The following GON4L variants were observed in gnomAD, a reference collection of about 807,000 sequenced individuals.
The protein encoded by GON4L is GON-4-like protein.
Under a neutral mutation model 211.8 loss-of-function variants are expected in GON4L, and 87 were observed. The observed-to-expected ratio is 0.41, with a 90% CI of 0.35 to 0.49. GON4L has a LOEUF of 0.49. GON4L is among the 20% of genes least tolerant of loss of function. The probability of loss-of-function intolerance (pLI) is 0.15; values close to 1 mark genes in which losing one functional copy is unlikely to be tolerated. For missense variants in GON4L, 2,155 were observed against 2,659.5 expected (o/e 0.81, Z 4.17); for synonymous variants, 875 against 962.6 (o/e 0.91, Z 1.68).
intron 6 of GON4L, among the ~76,000 whole-genome samples, chr1:155,820,131 C>T (rs770063971): frequency 1.3e-4 from 20 of 152,098 alleles, no homozygotes; most frequent in Admixed American, 2.6e-4. Context: ...CCAGGCTGGT[C>T]TCGAACTCCT....
intron 11 of GON4L, 37 bp downstream of exon 11, chr1:155,804,912 G>A (rs754507884): frequency 6.9e-7 from 1 of 1,449,188 alleles, no homozygotes; most frequent in South Asian, 1.1e-5. Context: ...AACAGATAAT[G>A]GACAGTATAC....
chr1:155,785,449 G>A (rs181328761), intron 12 of GON4L, 75 bp from the exon 13 acceptor site: 17 of 955,482 alleles, frequency 1.8e-5, no homozygotes, highest in African/African-American at 7.9e-5. Flanking sequence ...TGAAGACAAT[G>A]TATAATGTTT....
intron 14 of GON4L, among the ~76,000 whole-genome samples, chr1:155,781,457 T>C (rs898697033): frequency 6.6e-6 from 1 of 150,898 alleles, no homozygotes; most frequent in African/African-American, 2.4e-5. Flanking sequence ...ATAATTATTA[T>C]TATTATTATT....
chr1:155,788,286 C>G (rs1023372626), intron 12 of GON4L, among the ~76,000 whole-genome samples: 1 of 152,122 alleles, frequency 6.6e-6, no homozygotes, highest in African/African-American at 2.4e-5. Context: ...CGCCACCATG[C>G]CCAGCCAACA....
In GON4L at chr1:155,765,579, C is replaced by T. The variant is rs369251979; in HGVS notation, c.3894G>A (p.Gly1298=). ...CRWTVVKTEE[G]RQALEPLPQG... ...GAGGGAGCGGCTCCAGAGCTTGCCTCCCCTCCTCTGTTTTCACAACGGTCC... is the reference window on the plus strand; with the variant it reads ...GAGGGAGCGGCTCCAGAGCTTGCCTTCCCTCCTCTGTTTTCACAACGGTCC... Residue 1298 remains glycine, a synonymous_variant, in exon 21 of 32, where the codon GGG becomes GGA. Transcript: ENST00000368331. 2.0e-5 allele frequency: 32 copies of T among 1,614,064 alleles called. No homozygotes were observed. The highest frequency in any genetic ancestry group is 1.3e-4 in the South Asian group (12 of 91,082).
intron 12 of GON4L, among the ~76,000 whole-genome samples, chr1:155,788,233 T>A (rs1041737150): frequency 2.6e-5 from 4 of 151,242 alleles, no homozygotes; most frequent in Non-Finnish European, 5.9e-5. Flanking sequence ...CCTCAAGTGA[T>A]CTGCCTGCCT....
At chr1:155,747,092 C>T (rs761208923), downstream of GON4L, 1 of 1,606,256 alleles carries the variant, frequency 6.2e-7, no homozygotes, top group South Asian at 1.1e-5. Context: ...CTCTAAACTG[C>T]CTGGAACTAA....
Position 155,759,965 on chromosome 1 carries a change from TTATA to T in GON4L, c.5109+475_5109+478del, listed in dbSNP as rs34443325. Among the ~76,000 whole-genome samples the T allele has an allele frequency of 7.1e-4, 103 of 144,278 alleles. 1 individual carries two copies. The highest frequency in any genetic ancestry group is 2.5e-3 in the African/African-American group (99 of 39,412). The allele number at this position is 144,278 out of a possible 152,430, so 94.7% of individuals were successfully genotyped here. A position where few individuals can be genotyped will look rare whatever the true frequency, so the allele number is the denominator to read the frequency against. On this transcript the variant is annotated intron_variant, in intron 24 of 31. Transcript: ENST00000368331. ...ATTTTTATAATTTATATTTTATATA[TTATA>T]TATATATATATATGATATATATATA...
At chr1:155,839,346 T>C (rs963115752) in intron 2 of GON4L, among the ~76,000 whole-genome samples, 3 of 151,788 alleles carry the variant, frequency 2.0e-5, no homozygotes, top group African/African-American at 7.3e-5. Flanking sequence ...GAATGACTAG[T>C]TATTTAGGAA....
intron 2 of GON4L, 111 bp from the exon 3 acceptor site, chr1:155,827,139 G>T: frequency 1.3e-6 from 1 of 795,580 alleles, no homozygotes. Flanking sequence ...CATGAATTAA[G>T]CATATACTAT....
downstream of GON4L, chr1:155,747,183 G>A (rs1190999081): frequency 6.9e-7 from 1 of 1,446,440 alleles, no homozygotes; most frequent in South Asian, 1.1e-5. Flanking sequence ...CAATGGCAAA[G>A]GTGAGACTTC....
At chr1:155,793,241 G>A (rs822485) in intron 12 of GON4L, among the ~76,000 whole-genome samples, 142,509 of 152,260 alleles carry the variant, frequency 0.94, 67,458 homozygotes, top group East Asian at 1. Flanking sequence ...CCCTGTCATA[G>A]TATATCAAAA....
At chr1:155,837,946 T>C (rs191097882) in intron 2 of GON4L, among the ~76,000 whole-genome samples, 38 of 152,294 alleles carry the variant, frequency 2.5e-4, no homozygotes, top group Admixed American at 5.9e-4. Context: ...CATGAATCCT[T>C]TGGTAAATAA....
In GON4L at chr1:155,791,872, A is replaced by AATAACATAAC. The variant is rs200057412; in HGVS notation, c.1747+3168_1747+3177dup. On this transcript the variant is annotated intron_variant, in intron 12 of 31. Transcript: ENST00000368331. Reference sequence around the variant, plus strand: ...GACAACAGCGAAACTCCATCTCAAAAATAACATAACATAACATAACATAAC... The same window carrying AATAACATAAC: ...GACAACAGCGAAACTCCATCTCAAAAATAACATAACATAACATAACATAACATAACATAAC... Among the ~76,000 whole-genome samples, 290 of 119,292 alleles carry AATAACATAAC rather than the reference A, an allele frequency of 2.4e-3. 2 individuals are homozygous for AATAACATAAC. The highest frequency in any genetic ancestry group is 8.5e-3 in the African/African-American group (281 of 33,154). The allele number at this position is 119,292 out of a possible 152,430, so 78.3% of individuals were successfully genotyped here.
At chr1:155,798,947 T>C (rs944265375) in intron 11 of GON4L, among the ~76,000 whole-genome samples, 1 of 152,168 alleles carries the variant, frequency 6.6e-6, no homozygotes. Context: ...GCTTAGCTTT[T>C]AGTACCCTGA....
At chr1:155,832,381 C>T (rs1207631236) in intron 2 of GON4L, among the ~76,000 whole-genome samples, 1 of 151,820 alleles carries the variant, frequency 6.6e-6, no homozygotes, top group Non-Finnish European at 1.5e-5. Context: ...GTGGCTCACA[C>T]CGTAATCCCA....
At position 155,752,289 on chromosome 1, in the gene GON4L, A is replaced by C. The variant is rs764615348; in HGVS notation, c.6144T>G (p.Pro2048=). The C allele has an allele frequency of 2.5e-6, 4 of 1,585,078 alleles. No homozygotes were observed. In the South Asian group the frequency reaches 3.3e-5, roughly 13 times the overall value. The change falls in exon 30 of 32, where the codon CCT becomes CCG. Residue 2048 remains proline, a synonymous_variant. Coordinates refer to ENST00000368331, the MANE Select transcript of GON4L (RefSeq NM_001282860.2). ...TEKLPGTVEP[P]ASFLSPVSSK... ...AGGAAACAGGACTCAGGAAGGAAGCAGGGGGTTCCACGGTACCAGGCAATT... is the reference window on the plus strand; with the variant it reads ...AGGAAACAGGACTCAGGAAGGAAGCCGGGGGTTCCACGGTACCAGGCAATT...
intron 2 of GON4L, among the ~76,000 whole-genome samples, chr1:155,837,319 G>A (rs1390074144): frequency 6.6e-6 from 1 of 151,860 alleles, no homozygotes; most frequent in African/African-American, 2.4e-5. Context: ...CACTTTTTTT[G>A]GTGTCTCCAC....
intron 3 of GON4L, 46 bp from the exon 4 acceptor site, chr1:155,822,522 C>G: frequency 1.4e-6 from 2 of 1,448,944 alleles, no homozygotes. Flanking sequence ...AATAGCTGCT[C>G]CAGGAACTTA....
Sources: allele counts gnomAD v4.1 joint callset (sites outside exome capture counted in the v4.1 genomes callset), GRCh38; gene constraint gnomAD v4.1.1; transcripts MANE v1.5; gene names NCBI Gene and HGNC (gene_info 2026-07-23, HGNC 2026-07-21).